MPDZ: variants seen among roughly 807,000 people sequenced by gnomAD.
MPDZ encodes the protein multiple PDZ domain protein.
A neutral mutation model predicts 239.1 loss-of-function variants in MPDZ; 234 were observed. The observed-to-expected ratio is 0.98, with a 90% CI of 0.88 to 1.09. MPDZ has a LOEUF of 1.09. MPDZ is among the 50% of genes least tolerant of loss of function. The pLI is 0.00. For synonymous variants in MPDZ, 1,048 were observed against 881.3 expected (o/e 1.19, Z -3.35); for missense variants, 3,175 against 2,510.0 (o/e 1.26, Z -5.66).
In MPDZ at chr9:13,140,090, G is replaced by T. The variant is rs181931493; in HGVS notation, c.3900C>A (p.Pro1300=). The T allele has an allele frequency of 1.7e-4, 276 of 1,613,440 alleles. No individual in the cohort carries two copies. Among genetic ancestry groups the T allele is most frequent in the African/African-American group, 1.0e-3 (78 of 74,906 alleles). Residue 1300 remains proline, a synonymous_variant, in exon 28 of 47, where the codon CCC becomes CCA. Transcript: ENST00000319217. ...EKAPLCSVPP[P]PPSAFAEMGS... is the part of the protein sequence containing the mutation. ...CCATTTCGGCAAAGGCTGAAGGAGG[G>T]GGTGGGGGCACACTGCACAATGGAG... is the stretch of plus-strand genomic sequence containing the variant.
rs557124185 is a variant in MPDZ, at chr9:13,217,356, CA to C, written c.1087-63del. 1,633 of 1,015,814 alleles carry C rather than the reference CA, an allele frequency of 1.6e-3. 4 individuals carry two copies. The highest frequency in any genetic ancestry group is 1.5e-3 in the Non-Finnish European group (1,020 of 697,014). The allele number at this position is 1,015,814 out of a possible 1,614,324, so 62.9% of individuals were successfully genotyped here. On this transcript the variant is annotated intron_variant, in intron 8 of 46. Transcript: ENST00000319217. Reference sequence around the variant, plus strand: ...CGTAAAAAAAACAAAAAACAAAAAACAAACAAACAAACAAAAAAACCATGAT... The same window carrying C: ...CGTAAAAAAAACAAAAAACAAAAAACAACAAACAAACAAAAAAACCATGAT...
chr9:13,116,903 C>T (rs1943542045), intron 39 of MPDZ, among the ~76,000 whole-genome samples: 1 of 152,082 alleles, frequency 6.6e-6, no homozygotes, highest in African/African-American at 2.4e-5. Flanking sequence ...GCGGTAAATA[C>T]AATCCTCTGT....
At chr9:13,251,869 T>G (rs1487535868) in intron 1 of MPDZ, among the ~76,000 whole-genome samples, 2 of 152,224 alleles carry the variant, frequency 1.3e-5, no homozygotes, top group African/African-American at 4.8e-5. Context: ...AAAGTGCCTT[T>G]GTGTCAAGAA....
At chr9:13,226,857 G>GT (rs893721977) in intron 3 of MPDZ, among the ~76,000 whole-genome samples, 6 of 152,066 alleles carry the variant, frequency 3.9e-5, no homozygotes, top group African/African-American at 1.4e-4. Context: ...GAAAAAAAAT[G>GT]TTTATCTATT....
intron 12 of MPDZ, among the ~76,000 whole-genome samples, chr9:13,197,055 G>A (rs1003991724): frequency 4.0e-5 from 6 of 151,708 alleles, no homozygotes; most frequent in Non-Finnish European, 5.9e-5. Context: ...CTCTTTTAGT[G>A]GGAATATCCA....
intron 1 of MPDZ, among the ~76,000 whole-genome samples, chr9:13,251,685 GA>G (rs1407391497): frequency 1.3e-5 from 2 of 152,178 alleles, no homozygotes; most frequent in Non-Finnish European, 2.9e-5. Flanking sequence ...GGCAAAAAGG[GA>G]AGTATGTGAT....
rs1019148103 is a variant in MPDZ, at chr9:13,162,804, A to G, written c.3255-9T>C. On this transcript the variant is annotated splice_polypyrimidine_tract_variant and intron_variant, in intron 22 of 46. Transcript: ENST00000319217. ...CAGGCACATAAGTAATTCTGGAACA[A>G]ACCAGAATCCATGGAAGTGAAGGGA... 6.4e-6 allele frequency: 10 copies of G among 1,574,766 alleles called. No homozygotes were observed. Among genetic ancestry groups the G allele is most frequent in the African/African-American group, 1.3e-5 (1 of 74,078 alleles).
intron 1 of MPDZ, among the ~76,000 whole-genome samples, chr9:13,256,095 C>T (rs1330473527): frequency 6.6e-6 from 1 of 152,200 alleles, no homozygotes; most frequent in Non-Finnish European, 1.5e-5. Flanking sequence ...CTTCACCTTG[C>T]ACTTTTATGT....
intron 40 of MPDZ, 28 bp from the exon 41 acceptor site, chr9:13,114,049 A>C (rs755149384): frequency 1.3e-6 from 2 of 1,524,660 alleles, no homozygotes; most frequent in Non-Finnish European, 1.8e-6. Flanking sequence ...TTATTTCAGA[A>C]GGTTTTGCAA....
chr9:13,275,899 A>G (rs577505910), intron 1 of MPDZ, among the ~76,000 whole-genome samples: 15 of 152,228 alleles, frequency 9.9e-5, no homozygotes, highest in African/African-American at 3.1e-4. Flanking sequence ...TTTTCAAGGG[A>G]AAACCACTGA....
intron 21 of MPDZ, among the ~76,000 whole-genome samples, chr9:13,173,152 C>T (rs961912237): frequency 2.0e-5 from 3 of 152,110 alleles, no homozygotes; most frequent in Admixed American, 1.3e-4. Context: ...ATGGATACAG[C>T]GTTTCAATTG....
intron 27 of MPDZ, among the ~76,000 whole-genome samples, chr9:13,142,284 G>A (rs1947820880): frequency 6.6e-6 from 1 of 151,868 alleles, no homozygotes; most frequent in Non-Finnish European, 1.5e-5. Flanking sequence ...TGGGATCTCA[G>A]GCACAACATT....
chr9:13,162,892 C>G lies in MPDZ; in HGVS notation c.3255-97G>C, dbSNP rs1338151720. ...AATAAAGGAAACAAATCATATTGTC[C>G]CTTTCTCCCTACTTTTTCATACAAC... is the stretch of plus-strand genomic sequence containing the variant. On this transcript the variant is annotated intron_variant, in intron 22 of 46. Coordinates refer to ENST00000319217, the MANE Select transcript of MPDZ (RefSeq NM_001378778.1). 3 of 743,750 alleles carry G rather than the reference C, an allele frequency of 4.0e-6. No individual in the cohort carries two copies. In the African/African-American group the frequency reaches 5.3e-5, roughly 13 times the overall value. The allele number at this position is 743,750 out of a possible 1,614,324, so 46.1% of individuals were successfully genotyped here. A position where few individuals can be genotyped will look rare whatever the true frequency, so the allele number is the denominator to read the frequency against.
At position 13,190,294 on chromosome 9, in the gene MPDZ, G is replaced by T. The variant is rs527271402; in HGVS notation, c.1974C>A (p.His658Gln). The change falls in exon 16 of 47, where the codon CAC becomes CAA. Residue 658 changes from histidine to glutamine, a missense_variant. Coordinates refer to ENST00000319217, the MANE Select transcript of MPDZ (RefSeq NM_001378778.1). ...LCDIELTEKP[H>Q]VDLGEFIGSS... ...ACCCGATGAACTCACCTAGATCTAC[G>T]TGAGGCTGGATAATATCAGACAGCT... The T allele has an allele frequency of 3.2e-6, 5 of 1,570,794 alleles. No homozygotes were observed. The East Asian group carries it at 1.1e-4, about 36-fold the overall frequency.
chr9:13,111,998 C>G (rs183252821), intron 43 of MPDZ, 26 bp downstream of exon 43: 8 of 1,610,950 alleles, frequency 5.0e-6, no homozygotes, highest in Non-Finnish European at 6.8e-6. Flanking sequence ...TTTGCTAGGG[C>G]TTCTAGGGTT....
rs75827705 is a variant in MPDZ, at chr9:13,272,169, A to G, written c.-58+7231T>C. 5.2e-3 allele frequency among the ~76,000 whole-genome samples: 793 copies of G among 152,226 alleles called. 17 individuals carry two copies. The highest frequency in any genetic ancestry group is 0.042 in the East Asian group (215 of 5,100). On this transcript the variant is annotated intron_variant, in intron 1 of 46. Transcript: ENST00000319217. The stretch of plus-strand genomic sequence containing the variant: ...TATACCACAATAAAACAGTTAAACA[A>G]TTATAACTTATACCACAATAAAACA...
At chr9:13,214,279 G>A (rs373837659) in intron 10 of MPDZ, among the ~76,000 whole-genome samples, 1 of 151,982 alleles carries the variant, frequency 6.6e-6, no homozygotes, top group African/African-American at 2.4e-5. Context: ...CAATACAGAT[G>A]AAACTTGAAA....
intron 3 of MPDZ, among the ~76,000 whole-genome samples, chr9:13,241,378 A>G (rs1965367892): frequency 6.6e-6 from 1 of 152,102 alleles, no homozygotes; most frequent in African/African-American, 2.4e-5. Context: ...GAAGAGTTCC[A>G]CTCCATTTTT....
chr9:13,142,255 G>GT (rs1947814419), intron 27 of MPDZ, among the ~76,000 whole-genome samples: 1 of 151,964 alleles, frequency 6.6e-6, no homozygotes. Flanking sequence ...AACAAAACCT[G>GT]CTTATCTGAA....
Sources: gnomAD v4.1 joint callset for allele counts (sites outside exome capture counted in the v4.1 genomes callset) on GRCh38, gnomAD v4.1.1 for gene constraint, MANE v1.5 for transcripts, NCBI Gene and HGNC (gene_info 2026-07-23, HGNC 2026-07-21) for gene names.